Variants in MID1 observed in about 807,000 individuals in gnomAD.
The protein encoded by MID1 is E3 ubiquitin-protein ligase Midline-1.
A neutral mutation model predicts 40.4 loss-of-function variants in MID1; 7 were observed. The ratio of observed to expected loss-of-function variants is 0.17; its 90% CI spans 0.10 to 0.33. The LOEUF (loss-of-function observed/expected upper bound fraction) is 0.33. Among genes scored for constraint, MID1 ranks in the 10% least tolerant of loss-of-function variants. MID1 has a pLI of 1.00. For missense variants in MID1, 367 were observed against 558.5 expected (o/e 0.66, Z 3.46); for synonymous variants, 229 against 221.2 (o/e 1.04, Z -0.31).
chrX:10,697,527 C>G (rs1415063045), intron 1 of MID1, among the ~76,000 whole-genome samples: 1 of 111,443 alleles, frequency 9.0e-6, no homozygotes, highest in Non-Finnish European at 1.9e-5. Context: ...TGACTTTTTT[C>G]CATGAAAAAT....
intron 1 of MID1, among the ~76,000 whole-genome samples, chrX:10,722,109 T>A (rs2043360049): frequency 9.4e-6 from 1 of 105,901 alleles, no homozygotes; most frequent in Admixed American, 9.8e-5. Flanking sequence ...AGCAAGCATA[T>A]GGCTGCAAAA....
Position 10,449,140 on chromosome X carries a change from T to C in MID1, c.*228A>G. The stretch of plus-strand genomic sequence containing the variant: ...TTATGTTTCTCTTATAAATAATCTA[T>C]AGATTTTCCTCTAAATACAAAAAAA... On this transcript the variant is annotated 3_prime_UTR_variant, in exon 10 of 10. Transcript: ENST00000317552. 3 of 357,480 alleles carry C rather than the reference T, an allele frequency of 8.4e-6. No homozygotes were observed. Among genetic ancestry groups the C allele is most frequent in the Non-Finnish European group, 1.5e-5 (3 of 206,643 alleles). 29.5% of individuals were successfully genotyped at this position (357,480 alleles called of 1,213,427 possible). A position where few individuals can be genotyped will look rare whatever the true frequency, so the allele number is the denominator to read the frequency against.
At chrX:10,497,824 C>T (rs769398096) in intron 3 of MID1, among the ~76,000 whole-genome samples, 3 of 112,131 alleles carry the variant, frequency 2.7e-5, no homozygotes, top group Admixed American at 1.9e-4. Context: ...AATGTAAGCT[C>T]CATATGGGCA....
At chrX:10,688,747 T>C (rs2043114766) in intron 1 of MID1, among the ~76,000 whole-genome samples, 1 of 111,043 alleles carries the variant, frequency 9.0e-6, no homozygotes, top group Non-Finnish European at 1.9e-5. Flanking sequence ...GGAGAGACAA[T>C]GCCATATGTT....
chrX:10,596,222 G>A (rs1421604410), intron 1 of MID1, among the ~76,000 whole-genome samples: 2 of 111,320 alleles, frequency 1.8e-5, no homozygotes, highest in African/African-American at 3.3e-5. Context: ...CTGACATCTG[G>A]ATCATATTGG....
At chrX:10,517,022 G>A (rs1932482742) in intron 3 of MID1, among the ~76,000 whole-genome samples, 1 of 111,800 alleles carries the variant, frequency 8.9e-6, no homozygotes, top group African/African-American at 3.3e-5. Context: ...TGTGGCAGGG[G>A]TGGGGAGAGT....
chrX:10,508,392 T>C (rs1014887495), intron 3 of MID1, among the ~76,000 whole-genome samples: 1 of 112,559 alleles, frequency 8.9e-6, no homozygotes, highest in Admixed American at 9.4e-5. Context: ...TTTAAATATA[T>C]CGGGGTCAAA....
chrX:10,524,361 C>T (rs1158855860), intron 2 of MID1, among the ~76,000 whole-genome samples: 2 of 110,878 alleles, frequency 1.8e-5, no homozygotes, highest in African/African-American at 3.3e-5. Flanking sequence ...CTGTCTTGGG[C>T]CACACATAAA....
At chrX:10,733,343 A>G (rs1434353023) in intron 1 of MID1, among the ~76,000 whole-genome samples, 1 of 112,287 alleles carries the variant, frequency 8.9e-6, no homozygotes, top group Non-Finnish European at 1.9e-5. Context: ...TAAAAGCAAA[A>G]GCTAGAAAAC....
intron 1 of MID1, among the ~76,000 whole-genome samples, chrX:10,572,378 C>T (rs913632931): frequency 4.5e-5 from 5 of 109,983 alleles, no homozygotes; most frequent in Non-Finnish European, 3.8e-5. Flanking sequence ...GGTGAAACCC[C>T]GTCTCTACTA....
At chrX:10,455,191 C>G in intron 8 of MID1, 114 bp from the exon 9 acceptor site, 1 of 605,670 alleles carries the variant, frequency 1.7e-6, no homozygotes, top group Non-Finnish European at 2.7e-6. Context: ...AGCCAGCCCT[C>G]CCTGAGTCAT....
At chrX:10,588,161 AT>A (rs1252544997) in intron 1 of MID1, among the ~76,000 whole-genome samples, 2 of 112,345 alleles carry the variant, frequency 1.8e-5, no homozygotes, top group African/African-American at 6.5e-5. Context: ...CAAAACAATA[AT>A]TTTTTTAACC....
At chrX:10,767,566 G>A (rs929515566) in intron 1 of MID1, among the ~76,000 whole-genome samples, 12 of 111,544 alleles carry the variant, frequency 1.1e-4, no homozygotes, top group African/African-American at 3.3e-4. Flanking sequence ...TGATCCACCC[G>A]CCTCGGCCTC....
intron 3 of MID1, among the ~76,000 whole-genome samples, chrX:10,512,274 G>C (rs1932197078): frequency 8.9e-6 from 1 of 111,958 alleles, no homozygotes; most frequent in African/African-American, 3.2e-5. Context: ...GGTTTAACAG[G>C]GTTTCCAATT....
chrX:10,692,420 C>G (rs2043137207), intron 1 of MID1, among the ~76,000 whole-genome samples: 1 of 111,171 alleles, frequency 9.0e-6, no homozygotes, highest in Non-Finnish European at 1.9e-5. Flanking sequence ...TAGAGACCAG[C>G]CTGGCCAACA....
chrX:10,632,067 C>A (rs1307624926), intron 1 of MID1, among the ~76,000 whole-genome samples: 1 of 111,788 alleles, frequency 8.9e-6, no homozygotes, highest in African/African-American at 3.3e-5. Context: ...TTATTTCTTT[C>A]AATTACGCTT....
chrX:10,715,551 C>G (rs2043296764), intron 1 of MID1, among the ~76,000 whole-genome samples: 2 of 111,830 alleles, frequency 1.8e-5, no homozygotes, highest in African/African-American at 6.5e-5. Flanking sequence ...AGTCAAGAAA[C>G]TCGAACTGGG....
intron 1 of MID1, among the ~76,000 whole-genome samples, chrX:10,589,216 C>G (rs145780816): frequency 0.013 from 1,425 of 111,796 alleles, 13 homozygotes; most frequent in Non-Finnish European, 0.021. Flanking sequence ...TCAAGCAATC[C>G]AAGTCAAGTC....
At chrX:10,517,602 G>A (rs1932513240) in intron 3 of MID1, among the ~76,000 whole-genome samples, 1 of 112,374 alleles carries the variant, frequency 8.9e-6, no homozygotes, top group East Asian at 2.8e-4. Flanking sequence ...GATGCAACAC[G>A]AAAGCCTTTC....
Sources: gnomAD v4.1 joint callset for allele counts (sites outside exome capture counted in the v4.1 genomes callset) on GRCh38, gnomAD v4.1.1 for gene constraint, MANE v1.5 for transcripts, NCBI Gene and HGNC (gene_info 2026-07-23, HGNC 2026-07-21) for gene names.